The following FBXL7 variants were observed in gnomAD, a reference collection of about 807,000 sequenced individuals.
The protein encoded by FBXL7 is F-box/LRR-repeat protein 7.
In FBXL7, 12 loss-of-function variants were observed where a neutral mutation model predicts 38.3. The ratio of observed to expected loss-of-function variants is 0.31; its 90% CI spans 0.20 to 0.51. The LOEUF (loss-of-function observed/expected upper bound fraction) is 0.51. FBXL7 is among the 20% of genes least tolerant of loss of function. FBXL7 has a pLI of 0.98. For synonymous variants in FBXL7, 297 were observed against 300.9 expected (o/e 0.99, Z 0.13); for missense variants, 567 against 676.4 (o/e 0.84, Z 1.79).
chr5:15,825,654 G>A (rs894375958), intron 2 of FBXL7, among the ~76,000 whole-genome samples: 7 of 152,170 alleles, frequency 4.6e-5, no homozygotes, highest in Non-Finnish European at 1.0e-4. Context: ...TATTTTAAGT[G>A]TTTCTTAATT....
At chr5:15,710,683 A>G (rs1743836686) in intron 2 of FBXL7, among the ~76,000 whole-genome samples, 2 of 152,162 alleles carry the variant, frequency 1.3e-5, no homozygotes, top group African/African-American at 2.4e-5. Context: ...TGGGTGGCTA[A>G]TAAGTATTTA....
At chr5:15,714,842 C>A (rs1276219259) in intron 2 of FBXL7, among the ~76,000 whole-genome samples, 2 of 128,334 alleles carry the variant, frequency 1.6e-5, no homozygotes, top group African/African-American at 6.0e-5. Context: ...GAGCGAGAGT[C>A]CGTCTCAAAA....
rs758295851 is a variant in FBXL7, at chr5:15,921,131, C to CA, written c.128-6758dup. On this transcript the variant is annotated intron_variant, in intron 2 of 3. Coordinates refer to ENST00000504595, the MANE Select transcript of FBXL7 (RefSeq NM_012304.5). The stretch of plus-strand genomic sequence containing the variant: ...GAACAGTGGCTCACGCCTGTAATCT[C>CA]AGCAATTTGGGAGGCCGAGGCAGGC... Among the ~76,000 whole-genome samples the CA allele has an allele frequency of 4.0e-4, 61 of 152,244 alleles. 1 individual carries two copies. Among genetic ancestry groups the CA allele is most frequent in the African/African-American group, 1.4e-3 (60 of 41,540 alleles).
chr5:15,571,596 A>C (rs1049046359), intron 1 of FBXL7, among the ~76,000 whole-genome samples: 1 of 152,146 alleles, frequency 6.6e-6, no homozygotes, highest in Non-Finnish European at 1.5e-5. Context: ...AATGAATTTA[A>C]ATCACTGTTT....
At chr5:15,895,318 T>C (rs956817330) in intron 2 of FBXL7, among the ~76,000 whole-genome samples, 2 of 152,194 alleles carry the variant, frequency 1.3e-5, no homozygotes, top group Admixed American at 6.5e-5. Context: ...ATTTCTAAAA[T>C]TGGCATTCTA....
intron 2 of FBXL7, among the ~76,000 whole-genome samples, chr5:15,895,003 A>G (rs1210023242): frequency 6.6e-6 from 1 of 152,198 alleles, no homozygotes; most frequent in Non-Finnish European, 1.5e-5. Flanking sequence ...TGTTTCAGGT[A>G]TTGACTCATT....
At chr5:15,518,922 A>G (rs1050437203) in intron 1 of FBXL7, among the ~76,000 whole-genome samples, 3 of 152,110 alleles carry the variant, frequency 2.0e-5, no homozygotes, top group Admixed American at 2.0e-4. Flanking sequence ...TGGCCCGCCC[A>G]CGAGAAACAA....
chr5:15,567,985 C>G (rs1347809435), intron 1 of FBXL7, among the ~76,000 whole-genome samples: 1 of 152,082 alleles, frequency 6.6e-6, no homozygotes, highest in East Asian at 1.9e-4. Context: ...TTTTCTTAAT[C>G]CAGTCTATCA....
At chr5:15,655,957 G>A (rs146676469) in intron 2 of FBXL7, among the ~76,000 whole-genome samples, 1 of 152,288 alleles carries the variant, frequency 6.6e-6, no homozygotes, top group East Asian at 1.9e-4. Context: ...TTGGTGCCTG[G>A]ACCTTTAGTC....
At chr5:15,601,097 A>T (rs1002440141) in intron 1 of FBXL7, among the ~76,000 whole-genome samples, 3 of 152,188 alleles carry the variant, frequency 2.0e-5, no homozygotes, top group Non-Finnish European at 4.4e-5. Flanking sequence ...TGAATGAGTG[A>T]CTCAGAAGAG....
At chr5:15,885,224 G>A (rs367581693) in intron 2 of FBXL7, among the ~76,000 whole-genome samples, 1 of 152,210 alleles carries the variant, frequency 6.6e-6, no homozygotes, top group Non-Finnish European at 1.5e-5. Flanking sequence ...GTTGCTCAGA[G>A]GCCTTCCCTG....
intron 2 of FBXL7, among the ~76,000 whole-genome samples, chr5:15,667,685 C>G (rs1288892704): frequency 6.6e-6 from 1 of 152,146 alleles, no homozygotes; most frequent in East Asian, 1.9e-4. Context: ...CTTCTCCAAG[C>G]CTACTTCTCT....
At chr5:15,630,711 T>C (rs1438679791) in intron 2 of FBXL7, among the ~76,000 whole-genome samples, 1 of 152,162 alleles carries the variant, frequency 6.6e-6, no homozygotes, top group African/African-American at 2.4e-5. Context: ...AGGACAGAAA[T>C]TGGGAAATGA....
At chr5:15,630,136 A>T (rs187740655) in intron 2 of FBXL7, among the ~76,000 whole-genome samples, 372 of 152,322 alleles carry the variant, frequency 2.4e-3, no homozygotes, top group African/African-American at 8.3e-3. Context: ...AACTGTATCT[A>T]GCTCTATAAA....
At chr5:15,807,520 G>A (rs760603482) in intron 2 of FBXL7, among the ~76,000 whole-genome samples, 2 of 152,148 alleles carry the variant, frequency 1.3e-5, no homozygotes, top group Non-Finnish European at 2.9e-5. Flanking sequence ...CCCAGCACAT[G>A]ATAATGGTAT....
chr5:15,639,115 CT>C lies in FBXL7; in HGVS notation c.127+23048del, dbSNP rs566525452. Among the ~76,000 whole-genome samples the C allele has an allele frequency of 6.3e-3, 952 of 152,290 alleles. 4 individuals carry two copies. Among genetic ancestry groups the C allele is most frequent in the Non-Finnish European group, 0.011 (722 of 68,022 alleles). Reference sequence around the variant, plus strand: ...GAATAGCTGTTGAGGAAAGCTTGTACTTTTTGTTCATCTCTGGCACAGTGAT... The same window carrying C: ...GAATAGCTGTTGAGGAAAGCTTGTACTTTTGTTCATCTCTGGCACAGTGAT... On this transcript the variant is annotated intron_variant, in intron 2 of 3. Coordinates refer to ENST00000504595, the MANE Select transcript of FBXL7 (RefSeq NM_012304.5).
intron 2 of FBXL7, among the ~76,000 whole-genome samples, chr5:15,681,818 AAATAGG>A (rs1489827288): frequency 6.6e-6 from 1 of 152,204 alleles, no homozygotes; most frequent in African/African-American, 2.4e-5. Context: ...CTTTGTTAGG[AAATAGG>A]AATACGTCAA....
At chr5:15,893,523 T>C (rs912135070) in intron 2 of FBXL7, among the ~76,000 whole-genome samples, 1 of 152,170 alleles carries the variant, frequency 6.6e-6, no homozygotes, top group Non-Finnish European at 1.5e-5. Flanking sequence ...GAAATGACCA[T>C]AGTAAGCATA....
intron 1 of FBXL7, among the ~76,000 whole-genome samples, chr5:15,607,816 A>G (rs962058244): frequency 2.6e-5 from 4 of 152,222 alleles, no homozygotes; most frequent in African/African-American, 9.6e-5. Context: ...TACCAAACTT[A>G]GTGTGTTCGT....
Sources: allele counts gnomAD v4.1 joint callset (sites outside exome capture counted in the v4.1 genomes callset), GRCh38; gene constraint gnomAD v4.1.1; transcripts MANE v1.5; gene names NCBI Gene and HGNC (gene_info 2026-07-23, HGNC 2026-07-21).